SLC4A5: variants seen among roughly 807,000 people sequenced by gnomAD.
SLC4A5 encodes electrogenic sodium bicarbonate cotransporter 4.
In SLC4A5, 96 loss-of-function variants were observed where a neutral mutation model predicts 120.4. That is an observed-to-expected ratio of 0.80 (90% CI 0.68 to 0.94). The LOEUF (loss-of-function observed/expected upper bound fraction) is 0.94. Ranked by LOEUF, SLC4A5 falls within the 40% of genes least tolerant of loss-of-function variation. SLC4A5 has a pLI of 0.00. For synonymous variants in SLC4A5, 550 were observed against 571.1 expected (o/e 0.96, Z 0.53); for missense variants, 1,259 against 1,459.5 (o/e 0.86, Z 2.24).
intron 7 of SLC4A5, among the ~76,000 whole-genome samples, chr2:74,289,291 A>C (rs1321199450): frequency 1.3e-5 from 2 of 152,070 alleles, no homozygotes; most frequent in Non-Finnish European, 2.9e-5. Flanking sequence ...CATGTATTTA[A>C]ATGAATTTTA....
At chr2:74,339,240 G>A (rs970121787) in intron 2 of SLC4A5, 5 of 152,158 alleles carry the variant, frequency 3.3e-5, no homozygotes, top group African/African-American at 1.2e-4. Flanking sequence ...TAGAAATATT[G>A]TTAGGGGAGG....
rs1671261697 is a variant in SLC4A5 at position 74,265,107 on chromosome 2, TG to T, written c.558del (p.Ile187Ter). 1 of 1,613,378 alleles carries T rather than the reference TG, an allele frequency of 6.2e-7. No individual in the cohort carries two copies. On this transcript the variant is annotated frameshift_variant, in exon 9 of 31. Transcript: ENST00000394019. LOFTEE classifies it high-confidence loss of function. Reference sequence around the variant, plus strand: ...CACACAGTGGCCCCTGCCTCACCTATGATCTGTGGTAAGGAGCCACTGTCCA... The same window carrying T: ...CACACAGTGGCCCCTGCCTCACCTATATCTGTGGTAAGGAGCCACTGTCCA...
chr2:74,290,798 G>A lies in SLC4A5; in HGVS notation c.272-4896C>T, dbSNP rs937064127. 1.0e-5 allele frequency: 10 copies of A among 986,048 alleles called. No individual in the cohort carries two copies. The African/African-American group carries it at 1.7e-4, about 17-fold the overall frequency. The allele number at this position is 986,048 out of a possible 1,614,324, so 61.1% of individuals were successfully genotyped here. On this transcript the variant is annotated intron_variant, in intron 7 of 30. Coordinates refer to ENST00000394019, the Ensembl canonical transcript of SLC4A5. ...GGTGGTGGCAGCTGAGGACCTGTGA[G>A]AGGACTGGCAAAACTGCCCCTTTAC...
chr2:74,223,602 G>T (rs1033869125), intron 28 of SLC4A5, among the ~76,000 whole-genome samples: 1 of 152,202 alleles, frequency 6.6e-6, no homozygotes, highest in South Asian at 2.1e-4. Context: ...ATTGAATCCT[G>T]TTTTTCCATT....
intron 20 of SLC4A5, 56 bp downstream of exon 20, chr2:74,241,938 C>A: frequency 3.2e-6 from 5 of 1,546,958 alleles, no homozygotes; most frequent in East Asian, 2.4e-5. Context: ...AATCTTTTCT[C>A]CCTCCTCCTA....
intron 8 of SLC4A5, among the ~76,000 whole-genome samples, chr2:74,281,564 T>A (rs1046908545): frequency 6.6e-6 from 1 of 152,170 alleles, no homozygotes; most frequent in African/African-American, 2.4e-5. Context: ...TAAAAATCTA[T>A]CTTATTAACA....
At chr2:74,324,530 T>C (rs1673173412) in intron 5 of SLC4A5, among the ~76,000 whole-genome samples, 1 of 152,188 alleles carries the variant, frequency 6.6e-6, no homozygotes, top group African/African-American at 2.4e-5. Flanking sequence ...TTGCTGCTGA[T>C]GATGCTGATC....
intron 3 of SLC4A5, 46 bp from the exon 4 acceptor site, chr2:74,334,223 G>A (rs1344054070): frequency 6.6e-6 from 1 of 152,306 alleles, no homozygotes; most frequent in Non-Finnish European, 1.5e-5. Context: ...AAGAGAAGCT[G>A]AGACATTGTA....
chr2:74,238,102 A>AAAAT (rs2103937600), intron 21 of SLC4A5, among the ~76,000 whole-genome samples: 1 of 152,272 alleles, frequency 6.6e-6, no homozygotes, highest in South Asian at 2.1e-4. Context: ...ACTCTGTCTC[A>AAAAT]AAAATAATAA....
rs1293592707 is a variant in SLC4A5, at chr2:74,218,801, GA to G, written c.*34-10del. On this transcript the variant is annotated splice_polypyrimidine_tract_variant and intron_variant, in intron 30 of 30. Coordinates refer to ENST00000394019, the Ensembl canonical transcript of SLC4A5. Reference sequence around the variant, plus strand: ...TGAAGTGCAAGGTGATGCTGAACGAGAAGTAGGAAAGAAGGATTACGTAGTT... The same window carrying G: ...TGAAGTGCAAGGTGATGCTGAACGAGAGTAGGAAAGAAGGATTACGTAGTT... The G allele has an allele frequency of 6.5e-6, 1 of 152,700 alleles. No individual in the cohort carries two copies. The highest frequency in any genetic ancestry group is 1.5e-5 in the Non-Finnish European group (1 of 68,060). The allele number at this position is 152,700 out of a possible 1,614,324, so 9.5% of individuals were successfully genotyped here.
intron 25 of SLC4A5, among the ~76,000 whole-genome samples, chr2:74,230,519 G>A (rs1670039311): frequency 3.9e-5 from 6 of 152,152 alleles, no homozygotes; most frequent in Admixed American, 3.9e-4. Context: ...CGGACTACAG[G>A]GATGTACCAC....
At chr2:74,242,074 G>C in intron 19 of SLC4A5, 22 bp from the exon 20 acceptor site, 2 of 1,598,014 alleles carry the variant, frequency 1.3e-6, no homozygotes, top group Non-Finnish European at 1.7e-6. Context: ...CACATGACAC[G>C]GGGCAGGGTC....
At chr2:74,235,701 C>T (rs1410345900) in intron 21 of SLC4A5, among the ~76,000 whole-genome samples, 2 of 152,204 alleles carry the variant, frequency 1.3e-5, no homozygotes, top group African/African-American at 4.8e-5. Flanking sequence ...CCCAATTCCA[C>T]TGGGGATCAT....
At chr2:74,265,461 G>C (rs776965412) in intron 8 of SLC4A5, among the ~76,000 whole-genome samples, 197 bp from the exon 9 acceptor site, 9 of 152,228 alleles carry the variant, frequency 5.9e-5, no homozygotes, top group Non-Finnish European at 1.0e-4. Context: ...TCATGTGAAG[G>C]AAAGTGGCAT....
intron 8 of SLC4A5, among the ~76,000 whole-genome samples, chr2:74,278,510 A>G (rs1255064190): frequency 6.6e-6 from 1 of 152,138 alleles, no homozygotes; most frequent in Non-Finnish European, 1.5e-5. Flanking sequence ...GAGGGATGAA[A>G]GCCCCTAGCA....
At chr2:74,262,939 G>C (rs1668203271) in intron 10 of SLC4A5, among the ~76,000 whole-genome samples, 1 of 152,200 alleles carries the variant, frequency 6.6e-6, no homozygotes, top group African/African-American at 2.4e-5. Context: ...TGAGGATGAA[G>C]TGAGTTAAAA....
intron 7 of SLC4A5, among the ~76,000 whole-genome samples, chr2:74,297,668 C>G (rs1305132992): frequency 6.6e-6 from 1 of 152,148 alleles, no homozygotes; most frequent in Admixed American, 6.5e-5. Context: ...TTTTTTCCCC[C>G]CAGGGTAGAA....
chr2:74,227,271 G>T, intron 26 of SLC4A5, 141 bp from the exon 27 acceptor site: 1 of 1,041,842 alleles, frequency 9.6e-7, no homozygotes, highest in Non-Finnish European at 1.4e-6. Flanking sequence ...CGGGAGGGGG[G>T]CTGGAGGTGT....
At chr2:74,246,915 G>C in intron 19 of SLC4A5, 121 bp downstream of exon 19, 1 of 1,305,010 alleles carries the variant, frequency 7.7e-7, no homozygotes, top group East Asian at 2.3e-5. Context: ...TGCTCTCTTG[G>C]AACTGTAAGC....
Sources: gnomAD v4.1 joint callset for allele counts (sites outside exome capture counted in the v4.1 genomes callset) on GRCh38, gnomAD v4.1.1 for gene constraint, MANE v1.5 for transcripts, NCBI Gene and HGNC (gene_info 2026-07-23, HGNC 2026-07-21) for gene names.